The following JMJD6 variants were observed in gnomAD, a reference collection of about 807,000 sequenced individuals.
The protein encoded by JMJD6 is bifunctional arginine demethylase and lysyl-hydroxylase JMJD6.
In JMJD6, 17 loss-of-function variants were observed where a neutral mutation model predicts 45.8. The observed-to-expected ratio is 0.37, with a 90% confidence interval of 0.25 to 0.56. The LOEUF (loss-of-function observed/expected upper bound fraction) is 0.56. Ranked by LOEUF, JMJD6 falls within the 20% of genes least tolerant of loss-of-function variation. The pLI is 0.79. For synonymous variants in JMJD6, 221 were observed against 196.3 expected (o/e 1.13, Z -1.05); for missense variants, 470 against 517.5 (o/e 0.91, Z 0.89).
At chr17:76,714,255 C>T (rs1471614117), downstream of JMJD6, 1 of 152,234 alleles carries the variant, frequency 6.6e-6, no homozygotes, top group African/African-American at 2.4e-5. Context: ...TCTTCTCTCT[C>T]CCACTCTGGT....
intron 2 of JMJD6, among the ~76,000 whole-genome samples, chr17:76,724,725 G>C (rs528439455): frequency 6.6e-6 from 1 of 152,078 alleles, no homozygotes; most frequent in African/African-American, 2.4e-5. Flanking sequence ...GCTGAGACAG[G>C]AGGATTGCTT....
chr17:76,726,088 G>A (rs1283748285), intron 1 of JMJD6, among the ~76,000 whole-genome samples: 1 of 152,210 alleles, frequency 6.6e-6, no homozygotes, highest in Non-Finnish European at 1.5e-5. Context: ...AGGAGTCAGG[G>A]ACGACGGGCC....
At chr17:76,723,504 G>A (rs899625842) in intron 3 of JMJD6, among the ~76,000 whole-genome samples, 3 of 149,752 alleles carry the variant, frequency 2.0e-5, no homozygotes, top group Non-Finnish European at 3.0e-5. Context: ...GCAGTGGCAC[G>A]ATCTAGACTC....
intron 2 of JMJD6, 146 bp from the exon 3 acceptor site, chr17:76,724,204 T>C: frequency 1.2e-6 from 1 of 828,052 alleles, no homozygotes. Flanking sequence ...GACAGTAACC[T>C]CTGCTTCCCC....
chr17:76,725,424 A>AG lies in JMJD6; in HGVS notation c.518+42_518+43insC, dbSNP rs769851169. 2.1e-4 allele frequency: 315 copies of AG among 1,508,476 alleles called. 1 individual carries two copies. In the African/African-American group the frequency reaches 2.8e-3, roughly 13 times the overall value. 93.4% of individuals were successfully genotyped at this position (1,508,476 alleles called of 1,614,324 possible). ...TCTGTCTCAAAAAAAAAAAAAAAAA[A>AG]AAAAGAAAAGGATTTTAACCACTTA... is the stretch of plus-strand genomic sequence containing the variant. On this transcript the variant is annotated intron_variant, in intron 2 of 5. Coordinates refer to ENST00000397625, the MANE Select transcript of JMJD6 (RefSeq NM_015167.3).
chr17:76,721,767 C>T, intron 4 of JMJD6, 31 bp downstream of exon 4: 1 of 1,607,226 alleles, frequency 6.2e-7, no homozygotes. Context: ...AAATTGAAAC[C>T]AAGCAGAAAT....
chr17:76,724,554 C>T (rs145990994), intron 2 of JMJD6, among the ~76,000 whole-genome samples: 7,816 of 152,082 alleles, frequency 0.051, 612 homozygotes, highest in African/African-American at 0.17. Flanking sequence ...CGGTAGCTCA[C>T]GCCTGTAATC....
chr17:76,725,422 A>AG (rs780078139), intron 2 of JMJD6, 45 bp downstream of exon 2: 55 of 1,498,196 alleles, frequency 3.7e-5, no homozygotes, highest in Middle Eastern at 3.9e-4. Context: ...AAAAAAAAAA[A>AG]AAAAAAGAAA....
downstream of JMJD6, among the ~76,000 whole-genome samples, chr17:76,716,880 C>G (rs1380900502): frequency 6.6e-6 from 1 of 152,078 alleles, no homozygotes; most frequent in East Asian, 1.9e-4. Context: ...AGTCACAGAT[C>G]AAGTGCAGAT....
chr17:76,718,296 G>T (rs576255345), downstream of JMJD6: 2 of 376,482 alleles, frequency 5.3e-6, no homozygotes, highest in African/African-American at 4.2e-5. Flanking sequence ...AGAAGATGCC[G>T]GGTGACTTTT....
chr17:76,719,065 A>C (rs775742574), intron 5 of JMJD6, among the ~76,000 whole-genome samples: 4 of 152,182 alleles, frequency 2.6e-5, no homozygotes, highest in Non-Finnish European at 5.9e-5. Context: ...AACTTCCCTC[A>C]GAGGCCAAGT....
chr17:76,716,075 C>CA (rs1435089090), downstream of JMJD6: 2 of 126,360 alleles, frequency 1.6e-5, no homozygotes, highest in Non-Finnish European at 3.8e-5. Flanking sequence ...ATCACCCCCC[C>CA]ACAAAAAAAT....
chr17:76,725,157 G>A (rs1288649292), intron 2 of JMJD6, among the ~76,000 whole-genome samples: 1 of 152,068 alleles, frequency 6.6e-6, no homozygotes, highest in Non-Finnish European at 1.5e-5. Flanking sequence ...ACCTGCAATC[G>A]CAGCACTTTG....
chr17:76,722,663 T>G (rs941543652), intron 3 of JMJD6, among the ~76,000 whole-genome samples: 5 of 151,692 alleles, frequency 3.3e-5, no homozygotes, highest in Admixed American at 1.3e-4. Flanking sequence ...CTGGGCAACA[T>G]GATGAAACCC....
At chr17:76,720,635 A>G (rs1437897841) in intron 4 of JMJD6, 137 bp from the exon 5 acceptor site, 2 of 778,890 alleles carry the variant, frequency 2.6e-6, no homozygotes, top group Non-Finnish European at 4.2e-6. Flanking sequence ...ATACTGTACA[A>G]TGGTGAGGAC....
rs890385997 is a variant in JMJD6, at chr17:76,718,555, C to A, written c.*174G>T. 9 of 1,389,426 alleles carry A rather than the reference C, an allele frequency of 6.5e-6. No individual in the cohort carries two copies. In the African/African-American group the frequency reaches 7.4e-5, roughly 11 times the overall value. 86.1% of individuals were successfully genotyped at this position (1,389,426 alleles called of 1,614,324 possible). On this transcript the variant is annotated 3_prime_UTR_variant, in exon 6 of 6. Coordinates refer to ENST00000397625, the MANE Select transcript of JMJD6 (RefSeq NM_015167.3). ...AAGCCGCGTTTATCTGCATTGGTAG[C>A]AGAGGGAAAGCTACTGGAGCAAACG...
chr17:76,722,754 G>C (rs187174118), intron 3 of JMJD6, among the ~76,000 whole-genome samples: 1 of 141,314 alleles, frequency 7.1e-6, no homozygotes, highest in East Asian at 2.3e-4. Flanking sequence ...GCTGAGACAA[G>C]AGAATCGCTT....
downstream of JMJD6, chr17:76,716,833 G>T (rs937402813): frequency 9.8e-7 from 1 of 1,024,200 alleles, no homozygotes; most frequent in Non-Finnish European, 1.5e-6. Flanking sequence ...TGGAAGTCAT[G>T]GCAGGGCTTT....
Position 76,720,284 on chromosome 17 carries a change from A to G in JMJD6, c.1080+76T>C, listed in dbSNP as rs199607250. The G allele has an allele frequency of 1.5e-4, 203 of 1,323,182 alleles. 1 individual carries two copies. Among genetic ancestry groups the G allele is most frequent in the Middle Eastern group, 1.4e-3 (6 of 4,290 alleles). The allele number at this position is 1,323,182 out of a possible 1,614,324, so 82.0% of individuals were successfully genotyped here. A position where few individuals can be genotyped will look rare whatever the true frequency, so the allele number is the denominator to read the frequency against. Reference sequence around the variant, plus strand: ...TATCCTTCTCCTGGATAGGAGGAGGAAGAGTCACACCTGGTTATGACTGAG... The same window carrying G: ...TATCCTTCTCCTGGATAGGAGGAGGGAGAGTCACACCTGGTTATGACTGAG... On this transcript the variant is annotated intron_variant, in intron 5 of 5. Transcript: ENST00000397625.
Sources: gnomAD v4.1 joint callset for allele counts (sites outside exome capture counted in the v4.1 genomes callset) on GRCh38, gnomAD v4.1.1 for gene constraint, MANE v1.5 for transcripts, NCBI Gene and HGNC (gene_info 2026-07-23, HGNC 2026-07-21) for gene names.